The following TOGARAM1 variants were observed in gnomAD, a reference collection of about 807,000 sequenced individuals.
TOGARAM1 encodes the protein TOG array regulator of axonemal microtubules protein 1.
TOGARAM1 carries 100 observed loss-of-function variants against 166.6 expected under a neutral mutation model. That is an observed-to-expected ratio of 0.60 (90% CI 0.51 to 0.71). The LOEUF (loss-of-function observed/expected upper bound fraction) is 0.71, where lower values mean the gene tolerates loss of function less well. Among genes scored for constraint, TOGARAM1 ranks in the 30% least tolerant of loss-of-function variants. The pLI is 0.00. For missense variants in TOGARAM1, 2,029 were observed against 2,102.7 expected (o/e 0.96, Z 0.69); for synonymous variants, 758 against 763.8 (o/e 0.99, Z 0.13).
At chr14:45,017,271 A>G (rs924560318) in intron 7 of TOGARAM1, among the ~76,000 whole-genome samples, 1 of 151,952 alleles carries the variant, frequency 6.6e-6, no homozygotes, top group African/African-American at 2.4e-5. Context: ...CAAATAGGAG[A>G]ACTCAAGGCT....
At chr14:45,054,364 C>T in intron 15 of TOGARAM1, 67 bp from the exon 16 acceptor site, 1 of 958,628 alleles carries the variant, frequency 1.0e-6, no homozygotes, top group South Asian at 1.7e-5. Context: ...TTGAAAATTA[C>T]ATTGTGTAAA....
At chr14:45,049,068 A>C (rs1217510628) in intron 14 of TOGARAM1, among the ~76,000 whole-genome samples, 1 of 149,676 alleles carries the variant, frequency 6.7e-6, no homozygotes, top group African/African-American at 2.5e-5. Context: ...AAAAAAAAAA[A>C]AAAAAAAAAA....
chr14:45,027,963 G>T (rs1880952937), intron 9 of TOGARAM1, among the ~76,000 whole-genome samples: 1 of 151,816 alleles, frequency 6.6e-6, no homozygotes, highest in Admixed American at 6.6e-5. Flanking sequence ...TTATCCTGGG[G>T]ATAAAGTATG....
intron 1 of TOGARAM1, among the ~76,000 whole-genome samples, chr14:44,969,108 T>TC (rs1566595537): frequency 7.1e-5 from 10 of 140,898 alleles, no homozygotes; most frequent in African/African-American, 2.6e-4. Context: ...TTTCTTTCTT[T>TC]CTTTCCTTCC....
intron 2 of TOGARAM1, among the ~76,000 whole-genome samples, chr14:44,997,628 A>G (rs941597439): frequency 2.2e-4 from 34 of 152,238 alleles, no homozygotes; most frequent in Middle Eastern, 3.4e-3. Context: ...TGACCATAAC[A>G]TTTAGAAGAA....
Position 45,005,995 on chromosome 14 carries a change from A to G in TOGARAM1, c.2645-13A>G, listed in dbSNP as rs756530034. 75 of 1,529,898 alleles carry G rather than the reference A, an allele frequency of 4.9e-5. No homozygotes were observed. In the South Asian group the frequency reaches 9.3e-4, roughly 19 times the overall value. The allele number at this position is 1,529,898 out of a possible 1,614,324, so 94.8% of individuals were successfully genotyped here. ...TAGAAAAAGAAAAAGTAAAATATCT[A>G]TTTTTCATGCAGGAGAAAATTCTCA... On this transcript the variant is annotated splice_polypyrimidine_tract_variant and intron_variant, in intron 4 of 19. Transcript: ENST00000361462.
At chr14:45,008,160 T>C (rs1021654067) in intron 5 of TOGARAM1, 3 of 152,192 alleles carry the variant, frequency 2.0e-5, no homozygotes, top group African/African-American at 7.2e-5. Context: ...TTATGTATGT[T>C]TCTATTTTCC....
At chr14:44,985,233 C>T (rs371255286) in intron 1 of TOGARAM1, among the ~76,000 whole-genome samples, 1 of 152,146 alleles carries the variant, frequency 6.6e-6, no homozygotes, top group East Asian at 1.9e-4. Flanking sequence ...AAGTTAGTCT[C>T]GAACTCCTGA....
intron 1 of TOGARAM1, among the ~76,000 whole-genome samples, chr14:44,979,332 G>A (rs958627128): frequency 3.3e-5 from 5 of 152,252 alleles, no homozygotes; most frequent in African/African-American, 9.6e-5. Context: ...CAAATTCAGC[G>A]TCCAGTTAAG....
chr14:45,036,431 T>A (rs912756597), intron 11 of TOGARAM1, among the ~76,000 whole-genome samples: 3 of 152,126 alleles, frequency 2.0e-5, no homozygotes, highest in Non-Finnish European at 4.4e-5. Flanking sequence ...TCTGTTTAAA[T>A]ATATAGATAC....
chr14:45,025,605 C>G, intron 7 of TOGARAM1, 178 bp from the exon 8 acceptor site: 2 of 479,604 alleles, frequency 4.2e-6, no homozygotes, highest in Non-Finnish European at 3.6e-6. Context: ...AGTGCCTAGT[C>G]CATTCTAGTA....
intron 1 of TOGARAM1, among the ~76,000 whole-genome samples, chr14:44,985,963 A>G (rs2138773003): frequency 6.6e-6 from 1 of 152,324 alleles, no homozygotes; most frequent in African/African-American, 2.4e-5. Flanking sequence ...ATAGAAGCTG[A>G]TATATTAAGC....
Position 44,962,473 on chromosome 14 carries a change from T to C in TOGARAM1, c.52T>C (p.Ser18Pro), listed in dbSNP as rs1357585463. 1.2e-6 allele frequency: 2 copies of C among 1,606,250 alleles called. No homozygotes were observed. The highest frequency in any genetic ancestry group is 1.7e-6 in the Non-Finnish European group (2 of 1,176,712). The change falls in exon 1 of 20, where the codon TCT becomes CCT. Residue 18 changes from serine to proline, a missense_variant. Ser to Pro is a moderately conservative substitution (Grantham distance 74, BLOSUM62 -1). Around this residue, in one of 2 missense-constraint regions of TOGARAM1, gnomAD observed 1,453 missense variants for 1,432.2 expected, o/e 1.01. Coordinates refer to ENST00000361462, the MANE Select transcript of TOGARAM1 (RefSeq NM_001308120.2). The stretch of plus-strand genomic sequence containing the variant: ...TCTGCTGCCGCCCTTTCCAGTCCTC[T>C]CTACCTATCGGCTCCAGAGCCGCAG... ...LLLLPPFPVL[S>P]TYRLQSRSRP...
intron 1 of TOGARAM1, among the ~76,000 whole-genome samples, chr14:44,968,605 G>A (rs1404903179): frequency 6.6e-6 from 1 of 152,190 alleles, no homozygotes. Context: ...AGAGAGTACA[G>A]ATAGTTCCCA....
chr14:44,983,959 G>A (rs754650466), intron 1 of TOGARAM1, among the ~76,000 whole-genome samples: 7 of 152,088 alleles, frequency 4.6e-5, no homozygotes, highest in Non-Finnish European at 1.0e-4. Flanking sequence ...AGCTACTACC[G>A]GTATGTAAGT....
In TOGARAM1 at chr14:45,027,289, T is replaced by C; in HGVS notation, c.3329-10T>C. The C allele has an allele frequency of 1.2e-6, 2 of 1,612,286 alleles. No homozygotes were observed. The highest frequency in any genetic ancestry group is 1.7e-6 in the Non-Finnish European group (2 of 1,179,464). ...TAGTTAATGACTATTTGGTGGTTGG[T>C]TGATTTCAGGCGTATTTGGAAGTTT... On this transcript the variant is annotated splice_polypyrimidine_tract_variant and intron_variant, in intron 8 of 19. Transcript: ENST00000361462.
chr14:44,982,482 T>C (rs1047041356), intron 1 of TOGARAM1, among the ~76,000 whole-genome samples: 3 of 152,230 alleles, frequency 2.0e-5, no homozygotes, highest in Non-Finnish European at 4.4e-5. Flanking sequence ...GTAGGAATCA[T>C]AGTAGTCAGT....
intron 16 of TOGARAM1, among the ~76,000 whole-genome samples, chr14:45,060,032 C>A (rs1343774584): frequency 6.6e-6 from 1 of 151,284 alleles, no homozygotes. Flanking sequence ...CCTTTCCCAG[C>A]CTCCTGAGTA....
chr14:45,018,346 T>G (rs1880283401), intron 7 of TOGARAM1, among the ~76,000 whole-genome samples: 1 of 152,140 alleles, frequency 6.6e-6, no homozygotes, highest in South Asian at 2.1e-4. Flanking sequence ...TTCAAGTGAT[T>G]CTCGTGCCTC....
Sources: gnomAD v4.1 joint callset for allele counts (sites outside exome capture counted in the v4.1 genomes callset) on GRCh38, gnomAD v4.1.1 for gene constraint, gnomAD v4.1.1 regional missense constraint, MANE v1.5 for transcripts, NCBI Gene and HGNC (gene_info 2026-07-23, HGNC 2026-07-21) for gene names.